PCDHGB3: variants seen among roughly 807,000 people sequenced by gnomAD.
PCDHGB3 encodes the protein protocadherin gamma-B3.
In PCDHGB3, 40 loss-of-function variants were observed where a neutral mutation model predicts 59.2. The ratio of observed to expected loss-of-function variants is 0.68; its 90% CI spans 0.52 to 0.88. The LOEUF (loss-of-function observed/expected upper bound fraction) is 0.88. Ranked by LOEUF, PCDHGB3 falls within the 40% of genes least tolerant of loss-of-function variation. The pLI, the probability that PCDHGB3 is intolerant of heterozygous loss-of-function variation, is 0.00. For synonymous variants in PCDHGB3, 581 were observed against 503.6 expected, an observed-to-expected ratio of 1.15 and a Z score of -2.06; for missense variants, 1,309 against 1,187.9, an observed-to-expected ratio of 1.10 and a Z score of -1.50.
chr5:141,437,252 CTT>C (rs1030396727), intron 1 of PCDHGB3, among the ~76,000 whole-genome samples: 3 of 152,268 alleles, frequency 2.0e-5, no homozygotes, highest in Admixed American at 6.5e-5. Context: ...CTTTCCTTGT[CTT>C]TTTATGTGTA....
intron 1 of PCDHGB3, chr5:141,399,913 C>T: frequency 2.5e-6 from 4 of 1,612,372 alleles, no homozygotes; most frequent in Non-Finnish European, 3.4e-6. Context: ...AGACTCAGGA[C>T]ACAACGCCTG....
intron 1 of PCDHGB3, chr5:141,383,515 C>T (rs749503295): frequency 1.2e-6 from 2 of 1,612,350 alleles, no homozygotes; most frequent in South Asian, 2.2e-5. Flanking sequence ...GGAGGAAGAG[C>T]GGGTTCACCA....
intron 1 of PCDHGB3, among the ~76,000 whole-genome samples, chr5:141,460,684 T>C (rs1417815686): frequency 6.6e-6 from 1 of 152,074 alleles, no homozygotes; most frequent in Non-Finnish European, 1.5e-5. Context: ...TATCTATATA[T>C]CCACCAACAG....
chr5:141,448,565 AT>A (rs2098595794), intron 1 of PCDHGB3, among the ~76,000 whole-genome samples: 1 of 152,070 alleles, frequency 6.6e-6, no homozygotes, highest in Non-Finnish European at 1.5e-5. Flanking sequence ...ATATATTTTT[AT>A]TTCCCCATTT....
chr5:141,455,255 C>T (rs1049752169), intron 1 of PCDHGB3, among the ~76,000 whole-genome samples: 16 of 152,146 alleles, frequency 1.1e-4, no homozygotes, highest in African/African-American at 3.9e-4. Flanking sequence ...AGTACAATCG[C>T]ATTTCTTCCC....
chr5:141,384,090 A>C (rs765649529), intron 1 of PCDHGB3: 1 of 1,596,410 alleles, frequency 6.3e-7, no homozygotes, highest in South Asian at 1.1e-5. Context: ...TAGAAAAATC[A>C]ATAGATAATT....
chr5:141,435,519 T>C (rs2097768121), intron 1 of PCDHGB3, among the ~76,000 whole-genome samples: 2 of 152,192 alleles, frequency 1.3e-5, no homozygotes, highest in South Asian at 4.1e-4. Context: ...ATGATGACTT[T>C]GTGGAATATT....
intron 1 of PCDHGB3, chr5:141,393,547 C>T (rs761723933): frequency 4.3e-6 from 7 of 1,613,938 alleles, no homozygotes; most frequent in South Asian, 1.1e-5. Flanking sequence ...TTTCCTCACC[C>T]GATTTACCGA....
intron 1 of PCDHGB3, chr5:141,383,909 T>A: frequency 6.2e-7 from 1 of 1,613,856 alleles, no homozygotes; most frequent in Non-Finnish European, 8.5e-7. Context: ...CTGATCACAG[T>A]TTTAGATGTA....
intron 1 of PCDHGB3, among the ~76,000 whole-genome samples, chr5:141,447,303 C>G (rs1328783075): frequency 6.6e-6 from 1 of 151,990 alleles, no homozygotes; most frequent in Non-Finnish European, 1.5e-5. Context: ...CCACACCCGG[C>G]TAATTTTTGT....
In PCDHGB3 at chr5:141,371,080, G is replaced by C. The variant is rs1409150939; in HGVS notation, c.686G>C (p.Arg229Thr). 6.2e-7 allele frequency: 1 copy of C among 1,613,876 alleles called. No individual in the cohort carries two copies. The highest frequency in any genetic ancestry group is 2.2e-5 in the East Asian group (1 of 44,882). The change falls in exon 1 of 4, where the codon AGG becomes ACG. Residue 229 changes from arginine (R) to threonine (T), a missense_variant. Coordinates refer to ENST00000576222, the MANE Select transcript of PCDHGB3 (RefSeq NM_018924.5). The part of the protein sequence containing the change: ...EPSRSCTTQI[R>T]VIVADANDNP... ...TCCAGAAGCTGTACCACCCAGATCA[G>C]GGTAATTGTCGCAGATGCAAATGAT...
At chr5:141,430,985 G>T (rs773308629) in intron 1 of PCDHGB3, 4 of 1,613,780 alleles carry the variant, frequency 2.5e-6, no homozygotes, top group Non-Finnish European at 3.4e-6. Flanking sequence ...GCAGCTTTTC[G>T]CCCTGAATCC....
chr5:141,422,959 C>T, intron 1 of PCDHGB3: 5 of 1,614,234 alleles, frequency 3.1e-6, no homozygotes, highest in African/African-American at 1.3e-5. Flanking sequence ...TGGCGTGGAG[C>T]TGGCGCCCCG....
intron 1 of PCDHGB3, among the ~76,000 whole-genome samples, chr5:141,386,638 G>A (rs1376557329): frequency 6.6e-6 from 1 of 151,840 alleles, no homozygotes; most frequent in Non-Finnish European, 1.5e-5. Flanking sequence ...CACCCAGGCT[G>A]GATACATTTT....
chr5:141,485,358 G>A lies in PCDHGB3; in HGVS notation c.2416-9449G>A, dbSNP rs372994272. The A allele has an allele frequency of 1.2e-6, 2 of 1,614,100 alleles. No homozygotes were observed. Among genetic ancestry groups the A allele is most frequent in the Admixed American group, 3.3e-5 (2 of 60,002 alleles). ...CTGGATACGGACAGTCTGTCAGCTC[G>A]CAGGCTGCAGGTCGCTGGAGAGGTG... is the stretch of plus-strand genomic sequence containing the variant. On this transcript the variant is annotated intron_variant, in intron 1 of 3. Transcript: ENST00000576222. This position sits in a 1 kb window ranked among gnomAD's most constrained non-coding sequence, Gnocchi z 5.7.
At chr5:141,393,447 C>T (rs753693736) in intron 1 of PCDHGB3, 3 of 1,614,052 alleles carry the variant, frequency 1.9e-6, no homozygotes, top group East Asian at 4.5e-5. Context: ...CCACCTGGTC[C>T]TCACGGCCTC....
chr5:141,471,906 G>A (rs1376234079), intron 1 of PCDHGB3, among the ~76,000 whole-genome samples: 2 of 152,192 alleles, frequency 1.3e-5, no homozygotes, highest in African/African-American at 4.8e-5. Context: ...CTACAGACAA[G>A]CATGAGGGAA....
intron 1 of PCDHGB3, among the ~76,000 whole-genome samples, chr5:141,438,747 T>C (rs2098059577): frequency 6.7e-6 from 1 of 148,680 alleles, no homozygotes. Flanking sequence ...CTGCAACCTC[T>C]GCCTCCTGGG....
chr5:141,427,881 C>T (rs774499492), intron 1 of PCDHGB3: 6 of 1,563,720 alleles, frequency 3.8e-6, no homozygotes, highest in South Asian at 3.3e-5. Context: ...GATGCAGGCC[C>T]ACGACCAGGG....
Sources: allele counts gnomAD v4.1 joint callset (sites outside exome capture counted in the v4.1 genomes callset), GRCh38; gene constraint gnomAD v4.1.1; non-coding constraint Gnocchi (gnomAD v3.1); transcripts MANE v1.5; gene names NCBI Gene and HGNC (gene_info 2026-07-23, HGNC 2026-07-21).